LRP10: variants seen among roughly 807,000 people sequenced by gnomAD.
LRP10 encodes low-density lipoprotein receptor-related protein 10.
A neutral mutation model predicts 58.5 loss-of-function variants in LRP10; 42 were observed. The ratio of observed to expected loss-of-function variants is 0.72; its 90% CI spans 0.56 to 0.93. The LOEUF (loss-of-function observed/expected upper bound fraction) is 0.93, where lower values mean the gene tolerates loss of function less well. LRP10 is among the 40% of genes least tolerant of loss of function. LRP10 has a pLI of 0.00. For missense variants in LRP10, 872 were observed against 940.1 expected, an observed-to-expected ratio of 0.93 and a Z score of 0.95; for synonymous variants, 377 against 388.5, an observed-to-expected ratio of 0.97 and a Z score of 0.35.
In LRP10 at chr14:22,881,286, G is replaced by C. The variant is rs2040059188; in HGVS notation, c.*3759G>C. The C allele has an allele frequency of 6.6e-6, 1 of 152,218 alleles. No individual in the cohort carries two copies. 9.4% of individuals were successfully genotyped at this position (152,218 alleles called of 1,614,324 possible). ...CACAACCCGGGAGGTTGAGGTTACA[G>C]TGAGCCATGATCGCACCACTGCAGT... On this transcript the variant is annotated 3_prime_UTR_variant, in exon 7 of 7. Coordinates refer to ENST00000359591, the MANE Select transcript of LRP10 (RefSeq NM_014045.5).
In LRP10 at chr14:22,879,084, C is replaced by A; in HGVS notation, c.*1557C>A. 1 of 428,470 alleles carries A rather than the reference C, an allele frequency of 2.3e-6. No individual in the cohort carries two copies. The highest frequency in any genetic ancestry group is 4.8e-6 in the Non-Finnish European group (1 of 209,340). 26.5% of individuals were successfully genotyped at this position (428,470 alleles called of 1,614,324 possible). ...GCCTGTCACCCAGCCTAGCCCCACG[C>A]CTGGCAGAGCCCATCACCCAGCCTA... On this transcript the variant is annotated 3_prime_UTR_variant, in exon 7 of 7. Transcript: ENST00000359591.
In LRP10 at chr14:22,872,170, G is replaced by T; in HGVS notation, c.-134G>T. The T allele has an allele frequency of 1.1e-6, 1 of 875,630 alleles. No homozygotes were observed. The allele number at this position is 875,630 out of a possible 1,614,324, so 54.2% of individuals were successfully genotyped here. Reference sequence around the variant, plus strand: ...CCCCCAGCCCTGGCATCCAGAGTACGGGTCGAGCCCGGGCCATGGAGCCCC... The same window carrying T: ...CCCCCAGCCCTGGCATCCAGAGTACTGGTCGAGCCCGGGCCATGGAGCCCC... On this transcript the variant is annotated 5_prime_UTR_variant, in exon 1 of 7. Transcript: ENST00000359591.
At position 22,872,288 on chromosome 14, in the gene LRP10, C is replaced by T. The variant is rs1306921299; in HGVS notation, c.-16C>T. The T allele has an allele frequency of 6.2e-7, 1 of 1,613,898 alleles. No individual in the cohort carries two copies. Among genetic ancestry groups the T allele is most frequent in the Non-Finnish European group, 8.5e-7 (1 of 1,179,920 alleles). ...AGAAGCTCCGGGACCCTTCCGGCAC[C>T]TCTGGACAGCCCAGGATGCTGTTGG... On this transcript the variant is annotated 5_prime_UTR_variant, in exon 1 of 7. Transcript: ENST00000359591.
At chr14:22,872,559 G>A (rs995295803) in intron 1 of LRP10, among the ~76,000 whole-genome samples, 179 bp from the exon 2 acceptor site, 12 of 147,686 alleles carry the variant, frequency 8.1e-5, no homozygotes, top group African/African-American at 2.8e-4. Flanking sequence ...AACCCCACAA[G>A]GCCCTGCTGC....
In LRP10 at chr14:22,876,076, G is replaced by A. The variant is rs2040002204; in HGVS notation, c.1128G>A (p.Leu376=). Residue 376 remains leucine (L), a synonymous_variant, in exon 5 of 7, where the codon CTG becomes CTA. Coordinates refer to ENST00000359591, the MANE Select transcript of LRP10 (RefSeq NM_014045.5). ...AGTSGATACY[L]PADRCNYQTF... Reference sequence around the variant, plus strand: ...CCTCTGGTGCCACAGCCTGCTACCTGCCTGCTGACCGCTGCAACTACCAGA... The same window carrying A: ...CCTCTGGTGCCACAGCCTGCTACCTACCTGCTGACCGCTGCAACTACCAGA... 3 of 1,613,774 alleles carry A rather than the reference G, an allele frequency of 1.9e-6. No homozygotes were observed. The highest frequency in any genetic ancestry group is 2.5e-6 in the Non-Finnish European group (3 of 1,179,996).
chr14:22,872,736 A>G lies in LRP10; in HGVS notation c.35-2A>G. 6.2e-7 allele frequency: 1 copy of G among 1,613,970 alleles called. No individual in the cohort carries two copies. Among genetic ancestry groups the G allele is most frequent in the Non-Finnish European group, 8.5e-7 (1 of 1,179,954 alleles). The stretch of plus-strand genomic sequence containing the variant: ...TCCTGCCCTTTCTCGTTCCTCCTCT[A>G]GGAGGCGCTCTGGCCCATCCAGACC... On this transcript the variant is annotated splice_acceptor_variant, in intron 1 of 6. Transcript: ENST00000359591. LOFTEE classifies it high-confidence loss of function.
Position 22,877,116 on chromosome 14 carries a change from G to A in LRP10, c.1731G>A (p.Glu577=), listed in dbSNP as rs768957535. ...PRTNTPARAS[E]ARSQVTPSAA... ...CCAACACCCCGGCTCGGGCCTCTGAGGCCAGATCCCAGGTCACACCTTCTG... is the reference window on the plus strand; with the variant it reads ...CCAACACCCCGGCTCGGGCCTCTGAAGCCAGATCCCAGGTCACACCTTCTG... The change falls in exon 7 of 7, where the codon GAG becomes GAA. Residue 577 remains glutamate, a synonymous_variant. Coordinates refer to ENST00000359591, the MANE Select transcript of LRP10 (RefSeq NM_014045.5). This position sits in a 1 kb window ranked among gnomAD's most constrained non-coding sequence, Gnocchi z 5.1. The A allele has an allele frequency of 1.9e-5, 31 of 1,613,082 alleles. No individual in the cohort carries two copies. The highest frequency in any genetic ancestry group is 2.5e-5 in the Non-Finnish European group (30 of 1,179,602).
At position 22,872,080 on chromosome 14, in the gene LRP10, G is replaced by C. The variant is rs2138774672; in HGVS notation, c.-224G>C. The C allele has an allele frequency of 1.7e-6, 1 of 594,312 alleles. No homozygotes were observed. The allele number at this position is 594,312 out of a possible 1,614,324, so 36.8% of individuals were successfully genotyped here. On this transcript the variant is annotated 5_prime_UTR_variant, in exon 1 of 7. Coordinates refer to ENST00000359591, the MANE Select transcript of LRP10 (RefSeq NM_014045.5). Reference sequence around the variant, plus strand: ...GGAGAGAAGAGTGCGGCGGCGGACGGAGAAAACAACTCCAAAGTTGGCGAA... The same window carrying C: ...GGAGAGAAGAGTGCGGCGGCGGACGCAGAAAACAACTCCAAAGTTGGCGAA...
intron 1 of LRP10, 98 bp downstream of exon 1, chr14:22,872,435 T>C: frequency 1.4e-6 from 2 of 1,440,932 alleles, no homozygotes; most frequent in Non-Finnish European, 9.7e-7. Context: ...TGCCTGCCCA[T>C]TCCCCCCAGC....
At chr14:22,873,080 G>A (rs2039972228) in intron 2 of LRP10, 1 of 610,876 alleles carries the variant, frequency 1.6e-6, no homozygotes. Flanking sequence ...GCACAAAGCA[G>A]ACGTCAGAAT....
At chr14:22,874,253 G>A (rs2039981400) in intron 3 of LRP10, among the ~76,000 whole-genome samples, 1 of 152,182 alleles carries the variant, frequency 6.6e-6, no homozygotes, top group Admixed American at 6.6e-5. Flanking sequence ...ACCCAGAAAG[G>A]GGTAGGCAAA....
chr14:22,875,345 G>T lies in LRP10; in HGVS notation c.407-10G>T, dbSNP rs376140332. Reference sequence around the variant, plus strand: ...GTGCTTCACAGCCCCTCTCCATGGTGCCTCTGCAGATTGGCTGATGTGCCT... The same window carrying T: ...GTGCTTCACAGCCCCTCTCCATGGTTCCTCTGCAGATTGGCTGATGTGCCT... On this transcript the variant is annotated splice_polypyrimidine_tract_variant and intron_variant, in intron 4 of 6. Transcript: ENST00000359591. 6.2e-7 allele frequency: 1 copy of T among 1,607,776 alleles called. No homozygotes were observed. Among genetic ancestry groups the T allele is most frequent in the African/African-American group, 1.3e-5 (1 of 74,852 alleles).
At position 22,877,720 on chromosome 14, in the gene LRP10, A is replaced by G; in HGVS notation, c.*193A>G. Reference sequence around the variant, plus strand: ...TGTCCCTCAGGCAGGGAGAGGGCTCACAGAGTCTCCTCTGTACGTGGCCAT... The same window carrying G: ...TGTCCCTCAGGCAGGGAGAGGGCTCGCAGAGTCTCCTCTGTACGTGGCCAT... On this transcript the variant is annotated 3_prime_UTR_variant, in exon 7 of 7. Transcript: ENST00000359591. The surrounding 1 kb of genome is among the most constrained non-coding windows in gnomAD (Gnocchi z 5.1). 3.7e-6 allele frequency: 2 copies of G among 544,110 alleles called. No individual in the cohort carries two copies. Among genetic ancestry groups the G allele is most frequent in the South Asian group, 2.7e-5 (1 of 37,716 alleles). The allele number at this position is 544,110 out of a possible 1,614,324, so 33.7% of individuals were successfully genotyped here. A position where few individuals can be genotyped will look rare whatever the true frequency, so the allele number is the denominator to read the frequency against.
Position 22,879,530 on chromosome 14 carries a change from T to C in LRP10, c.*2003T>C. The C allele has an allele frequency of 4.8e-6, 1 of 207,908 alleles. No homozygotes were observed. The highest frequency in any genetic ancestry group is 1.1e-5 in the Non-Finnish European group (1 of 95,118). 12.9% of individuals were successfully genotyped at this position (207,908 alleles called of 1,614,324 possible). ...ATAGCCACCTCAAATACCTGCAGCC[T>C]GATATCTTCATCCCTTCATCCAGAC... On this transcript the variant is annotated 3_prime_UTR_variant, in exon 7 of 7. Transcript: ENST00000359591.
chr14:22,875,097 C>G lies in LRP10; in HGVS notation c.258C>G (p.Thr86=). The G allele has an allele frequency of 6.2e-7, 1 of 1,610,066 alleles. No individual in the cohort carries two copies. Among genetic ancestry groups the G allele is most frequent in the Non-Finnish European group, 8.5e-7 (1 of 1,177,960 alleles). Residue 86 remains threonine, a synonymous_variant, in exon 4 of 7, where the codon ACC becomes ACG. Transcript: ENST00000359591. The part of the protein sequence containing the change: ...LHLACGSERL[T]LRSPLQPLIS... ...TGGCCTGTGGCTCAGAGCGCTTAAC[C>G]CTACGCTCCCCTCTCCAGCCACTGA...
Position 22,878,826 on chromosome 14 carries a change from T to G in LRP10, c.*1299T>G, listed in dbSNP as rs1595032860. 1.4e-5 allele frequency: 3 copies of G among 209,856 alleles called. No homozygotes were observed. The highest frequency in any genetic ancestry group is 4.7e-5 in the Admixed American group (1 of 21,120). 13.0% of individuals were successfully genotyped at this position (209,856 alleles called of 1,614,324 possible). A position where few individuals can be genotyped will look rare whatever the true frequency, so the allele number is the denominator to read the frequency against. ...AGCGGCCAGAGCTGCAGCGCTGGGG[T>G]GGGTGATGGAGGGAATGATTCGCAA... On this transcript the variant is annotated 3_prime_UTR_variant, in exon 7 of 7. Transcript: ENST00000359591.
intron 3 of LRP10, among the ~76,000 whole-genome samples, chr14:22,874,175 G>A (rs1595028550): frequency 6.6e-6 from 1 of 152,164 alleles, no homozygotes; most frequent in African/African-American, 2.4e-5. Flanking sequence ...CCCTGACCTT[G>A]GTCATTGTTT....
In LRP10 at chr14:22,876,920, G is replaced by C; in HGVS notation, c.1555-20G>C. The C allele has an allele frequency of 6.3e-7, 1 of 1,580,382 alleles. No homozygotes were observed. The highest frequency in any genetic ancestry group is 8.6e-7 in the Non-Finnish European group (1 of 1,160,296). On this transcript the variant is annotated intron_variant, in intron 6 of 6. Coordinates refer to ENST00000359591, the MANE Select transcript of LRP10 (RefSeq NM_014045.5). ...CAGCCTTTGGCCCTCTGACTCTGAG[G>C]CCTCCTCATTTCCTTGCAGAACTCA...
Position 22,879,118 on chromosome 14 carries a change from C to G in LRP10, c.*1591C>G, listed in dbSNP as rs990044226. The G allele has an allele frequency of 1.8e-5, 8 of 454,454 alleles. No homozygotes were observed. The highest frequency in any genetic ancestry group is 1.2e-4 in the African/African-American group (6 of 50,006). 28.2% of individuals were successfully genotyped at this position (454,454 alleles called of 1,614,324 possible). A position where few individuals can be genotyped will look rare whatever the true frequency, so the allele number is the denominator to read the frequency against. ...GCCCATCACCCAGCCTAGCCCCACA[C>G]CTGGTGGAGAGGCCCTGTTGATTAC... is the stretch of plus-strand genomic sequence containing the variant. On this transcript the variant is annotated 3_prime_UTR_variant, in exon 7 of 7. Coordinates refer to ENST00000359591, the MANE Select transcript of LRP10 (RefSeq NM_014045.5).
Sources: allele counts gnomAD v4.1 joint callset (sites outside exome capture counted in the v4.1 genomes callset), GRCh38; gene constraint gnomAD v4.1.1; non-coding constraint Gnocchi (gnomAD v3.1); transcripts MANE v1.5; gene names NCBI Gene and HGNC (gene_info 2026-07-23, HGNC 2026-07-21).